PHF20: variants seen among roughly 807,000 people sequenced by gnomAD.
PHF20 encodes PHD finger protein 20.
PHF20 carries 23 observed loss-of-function variants against 113.5 expected under a neutral mutation model. That is an observed-to-expected ratio of 0.20 (90% confidence interval 0.15 to 0.29). The LOEUF (loss-of-function observed/expected upper bound fraction) is 0.29. PHF20 is among the 10% of genes least tolerant of loss of function. The probability of loss-of-function intolerance (pLI) is 1.00; values close to 1 mark genes in which losing one functional copy is unlikely to be tolerated. For synonymous variants in PHF20, 434 were observed against 457.3 expected (o/e 0.95, Z 0.65); for missense variants, 943 against 1,219.6 (o/e 0.77, Z 3.38).
At chr20:35,793,769 T>G (rs1481191276) in intron 1 of PHF20, among the ~76,000 whole-genome samples, 54 of 145,306 alleles carry the variant, frequency 3.7e-4, no homozygotes, top group Middle Eastern at 8.3e-3. Context: ...AGGCTGAGGT[T>G]GGTGGATCAC....
At chr20:35,844,717 C>A (rs2042592904) in intron 3 of PHF20, among the ~76,000 whole-genome samples, 1 of 151,624 alleles carries the variant, frequency 6.6e-6, no homozygotes, top group African/African-American at 2.4e-5. Context: ...CAGATTAAGC[C>A]CTAATTTAGA....
In PHF20 at chr20:35,815,268, T is replaced by C. The variant is rs946242628; in HGVS notation, c.83+13663T>C. ...GAACTAACATAGAATATGCATGGTG[T>C]AACTATGCTAAATGAAACTCAAAAT... On this transcript the variant is annotated intron_variant, in intron 2 of 17. Transcript: ENST00000374012. Among the ~76,000 whole-genome samples the C allele has an allele frequency of 2.0e-5, 3 of 151,830 alleles. No individual in the cohort carries two copies. The South Asian group carries it at 6.2e-4, about 31-fold the overall frequency.
intron 2 of PHF20, among the ~76,000 whole-genome samples, chr20:35,832,639 C>T (rs911946063): frequency 1.2e-4 from 19 of 152,046 alleles, no homozygotes; most frequent in Non-Finnish European, 1.0e-4. Context: ...TTTCAGGTAA[C>T]GGGAGCATAC....
At chr20:35,901,298 C>A (rs1163548302) in intron 10 of PHF20, among the ~76,000 whole-genome samples, 1 of 151,536 alleles carries the variant, frequency 6.6e-6, no homozygotes, top group African/African-American at 2.4e-5. Flanking sequence ...GCCTGTAATC[C>A]CAGCCACTCA....
intron 1 of PHF20, among the ~76,000 whole-genome samples, chr20:35,776,674 A>C (rs1175223158): frequency 6.6e-6 from 1 of 152,136 alleles, no homozygotes. Flanking sequence ...CTGAATGACT[A>C]GACTATTTTG....
At chr20:35,890,179 C>T (rs957201095) in intron 9 of PHF20, among the ~76,000 whole-genome samples, 1 of 151,876 alleles carries the variant, frequency 6.6e-6, no homozygotes, top group Non-Finnish European at 1.5e-5. Context: ...GGGTGCATGC[C>T]ACCACACCCA....
chr20:35,948,565 G>C lies in PHF20; in HGVS notation c.*938G>C, dbSNP rs1467331008. 1 of 152,514 alleles carries C rather than the reference G, an allele frequency of 6.6e-6. No individual in the cohort carries two copies. Among genetic ancestry groups the C allele is most frequent in the Non-Finnish European group, 1.5e-5 (1 of 68,032 alleles). The allele number at this position is 152,514 out of a possible 1,614,324, so 9.4% of individuals were successfully genotyped here. ...TGTGCGACTTTTCTCCTTCCTGAAG[G>C]GTGTTTAGTAGTCAGCGTTTTCAGA... On this transcript the variant is annotated 3_prime_UTR_variant, in exon 18 of 18. Coordinates refer to ENST00000374012, the MANE Select transcript of PHF20 (RefSeq NM_016436.5).
intron 1 of PHF20, among the ~76,000 whole-genome samples, chr20:35,789,777 A>G (rs865952772): frequency 1.4e-5 from 2 of 145,768 alleles, no homozygotes; most frequent in Non-Finnish European, 3.0e-5. Context: ...CGAACTCCTG[A>G]CCTCATGATC....
intron 6 of PHF20, among the ~76,000 whole-genome samples, chr20:35,864,407 AACACACACAC>A (rs376477234): frequency 4.1e-4 from 54 of 132,528 alleles, no homozygotes; most frequent in Middle Eastern, 3.6e-3. Context: ...CCCATCTCAA[AACACACACAC>A]ACACACACAC....
chr20:35,946,000 T>C (rs2147139842), intron 17 of PHF20, among the ~76,000 whole-genome samples: 1 of 151,698 alleles, frequency 6.6e-6, no homozygotes, highest in South Asian at 2.1e-4. Flanking sequence ...TGAAACCCCA[T>C]CTCTACTAAA....
chr20:35,874,753 T>G (rs1459821265), intron 9 of PHF20, among the ~76,000 whole-genome samples: 1 of 152,168 alleles, frequency 6.6e-6, no homozygotes, highest in Non-Finnish European at 1.5e-5. Flanking sequence ...AATTTTTTTT[T>G]GAATAGTTTT....
At chr20:35,796,359 C>T (rs992603563) in intron 1 of PHF20, among the ~76,000 whole-genome samples, 2 of 152,004 alleles carry the variant, frequency 1.3e-5, no homozygotes, top group African/African-American at 4.8e-5. Flanking sequence ...TGAACTACAT[C>T]CAGTTTGCCC....
At chr20:35,934,182 A>G (rs541563346) in intron 15 of PHF20, among the ~76,000 whole-genome samples, 1 of 152,210 alleles carries the variant, frequency 6.6e-6, no homozygotes, top group Non-Finnish European at 1.5e-5. Context: ...GAGTATCAGG[A>G]CCCTGAGATG....
intron 1 of PHF20, among the ~76,000 whole-genome samples, chr20:35,793,995 C>CAAAACAAAA (rs1385077985): frequency 3.0e-5 from 1 of 33,836 alleles, no homozygotes; most frequent in Non-Finnish European, 5.5e-5. Context: ...GACTCTGTCT[C>CAAAACAAAA]AAAAAAAAAA....
intron 1 of PHF20, among the ~76,000 whole-genome samples, chr20:35,780,738 G>T (rs1201712694): frequency 6.6e-6 from 1 of 151,032 alleles, no homozygotes; most frequent in Non-Finnish European, 1.5e-5. Context: ...AGTAGAGACG[G>T]GGTTTCACCA....
rs1402297727 is a variant in PHF20, at chr20:35,876,159, AAGGGTGG to A, written c.1282+4334_1282+4340del. ...TCTATTTTCCAAGAGGGTTAATAGT[AAGGGTGG>A]AGGTCAAATTACTTTGAGCTTGAGC... On this transcript the variant is annotated intron_variant, in intron 9 of 17. Transcript: ENST00000374012. Among the ~76,000 whole-genome samples the A allele has an allele frequency of 7.6e-4, 115 of 152,204 alleles. 1 individual carries two copies. The highest frequency in any genetic ancestry group is 1.4e-3 in the Non-Finnish European group (96 of 68,030).
chr20:35,928,077 A>C (rs1334995531), intron 14 of PHF20, among the ~76,000 whole-genome samples, 198 bp downstream of exon 14: 1 of 152,202 alleles, frequency 6.6e-6, no homozygotes, highest in Non-Finnish European at 1.5e-5. Flanking sequence ...ACACGTGTGA[A>C]GGGGCCCACC....
At chr20:35,772,660 C>A (rs1027180908) in intron 1 of PHF20, among the ~76,000 whole-genome samples, 5 of 152,008 alleles carry the variant, frequency 3.3e-5, no homozygotes, top group African/African-American at 7.2e-5. Flanking sequence ...AGCCCTCCCC[C>A]CCCCAAATTT....
intron 2 of PHF20, among the ~76,000 whole-genome samples, chr20:35,833,935 G>A (rs2042395794): frequency 6.6e-6 from 1 of 151,966 alleles, no homozygotes. Context: ...GCGCACACCT[G>A]TAATCCCAGC....
Sources: gnomAD v4.1 joint callset for allele counts (sites outside exome capture counted in the v4.1 genomes callset) on GRCh38, gnomAD v4.1.1 for gene constraint, MANE v1.5 for transcripts, NCBI Gene and HGNC (gene_info 2026-07-23, HGNC 2026-07-21) for gene names.